HAPLN2: variants seen among roughly 807,000 people sequenced by gnomAD.
The protein encoded by HAPLN2 is hyaluronan and proteoglycan link protein 2, also known as brain link protein-1.
Under a neutral mutation model 29.3 loss-of-function variants are expected in HAPLN2, and 27 were observed. The ratio of observed to expected loss-of-function variants is 0.92; its 90% confidence interval spans 0.68 to 1.27. The LOEUF (loss-of-function observed/expected upper bound fraction) is 1.27, where lower values mean the gene tolerates loss of function less well. HAPLN2 is among the 50% of genes most tolerant of loss of function. The pLI is 0.00. For synonymous variants in HAPLN2, 208 were observed against 211.7 expected, an observed-to-expected ratio of 0.98 and a Z score of 0.15; for missense variants, 454 against 484.3, an observed-to-expected ratio of 0.94 and a Z score of 0.59.
chr1:156,623,819 GC>G lies in HAPLN2; in HGVS notation c.103del (p.His35ThrfsTer48). ...CCCCTCTGCCCAGCATCCCACCCGG[GC>G]CCCCACTACCTCCTGCCCCCCATCC... ...KAQGDPASHP[G>X]PHYLLPPIHE... On this transcript the variant is annotated frameshift_variant, in exon 4 of 7. Coordinates refer to ENST00000255039, the MANE Select transcript of HAPLN2 (RefSeq NM_021817.3). LOFTEE classifies it high-confidence loss of function. The G allele has an allele frequency of 6.6e-7, 1 of 1,520,350 alleles. No individual in the cohort carries two copies. The allele number at this position is 1,520,350 out of a possible 1,614,324, so 94.2% of individuals were successfully genotyped here.
At chr1:156,618,216 G>T (rs1350179827), upstream of HAPLN2, among the ~76,000 whole-genome samples, 1 of 149,958 alleles carries the variant, frequency 6.7e-6, no homozygotes, top group Admixed American at 6.7e-5. Context: ...GAGGAGGATG[G>T]CTTGAACCCG....
chr1:156,625,498 C>A lies in HAPLN2; in HGVS notation c.*114C>A, dbSNP rs1678422893. The A allele has an allele frequency of 9.1e-7, 1 of 1,097,734 alleles. No individual in the cohort carries two copies. The highest frequency in any genetic ancestry group is 1.2e-6 in the Non-Finnish European group (1 of 811,854). 68.0% of individuals were successfully genotyped at this position (1,097,734 alleles called of 1,614,324 possible). A position where few individuals can be genotyped will look rare whatever the true frequency, so the allele number is the denominator to read the frequency against. ...TCCCTCCAGACCCGGAGCGGCCTCT[C>A]CAGACCTGCCTTCCCAGCCGGGGGC... On this transcript the variant is annotated 3_prime_UTR_variant, in exon 7 of 7. Coordinates refer to ENST00000255039, the MANE Select transcript of HAPLN2 (RefSeq NM_021817.3). This position sits in a 1 kb window ranked among gnomAD's most constrained non-coding sequence, Gnocchi z 5.7.
upstream of HAPLN2, chr1:156,615,059 G>A (rs1394690141): frequency 6.6e-6 from 1 of 152,164 alleles, no homozygotes; most frequent in Non-Finnish European, 1.5e-5. Flanking sequence ...TTGCTTCTGT[G>A]TCTCTGCAGA....
chr1:156,605,136 C>T, the HAPLN2 span, among the ~76,000 whole-genome samples: 253 of 151,476 alleles, frequency 1.7e-3, no homozygotes, highest in South Asian at 0.02. Context: ...TGTGGTAGCA[C>T]GAATCTGTAA....
chr1:156,609,853 C>T, the HAPLN2 span, among the ~76,000 whole-genome samples: 1 of 152,090 alleles, frequency 6.6e-6, no homozygotes, highest in Non-Finnish European at 1.5e-5. Flanking sequence ...TACACCAAAC[C>T]CCCACAACAT....
intron 4 of HAPLN2, 35 bp downstream of exon 4, chr1:156,624,195 A>G: frequency 6.3e-7 from 1 of 1,584,546 alleles, no homozygotes; most frequent in African/African-American, 1.3e-5. Context: ...ATTCCTGTGT[A>G]GCAGCGGGTC....
At chr1:156,610,321 C>T in the HAPLN2 span, among the ~76,000 whole-genome samples, 1 of 152,044 alleles carries the variant, frequency 6.6e-6, no homozygotes, top group Non-Finnish European at 1.5e-5. Flanking sequence ...GACAAATGCT[C>T]ACATCATATT....
chr1:156,621,603 G>T (rs1436864239), intron 2 of HAPLN2, among the ~76,000 whole-genome samples: 1 of 151,878 alleles, frequency 6.6e-6, no homozygotes, highest in African/African-American at 2.4e-5. Flanking sequence ...CCGGAGTGGT[G>T]GTGGGTGCCT....
At chr1:156,607,017 A>G in the HAPLN2 span, among the ~76,000 whole-genome samples, 1 of 152,050 alleles carries the variant, frequency 6.6e-6, no homozygotes, top group Non-Finnish European at 1.5e-5. Flanking sequence ...TGCTGTATTG[A>G]GAGTTGAGCC....
upstream of HAPLN2, among the ~76,000 whole-genome samples, chr1:156,616,188 C>G (rs1288923025): frequency 6.6e-6 from 1 of 152,118 alleles, no homozygotes; most frequent in Admixed American, 6.5e-5. Context: ...TCTGGAATCA[C>G]TCCACCACAC....
At chr1:156,609,180 A>G in the HAPLN2 span, among the ~76,000 whole-genome samples, 1 of 152,180 alleles carries the variant, frequency 6.6e-6, no homozygotes, top group African/African-American at 2.4e-5. Context: ...ACACCTGGTG[A>G]TCCCCTAAAC....
At chr1:156,606,239 G>A in the HAPLN2 span, among the ~76,000 whole-genome samples, 1 of 151,910 alleles carries the variant, frequency 6.6e-6, no homozygotes, top group Admixed American at 6.6e-5. Context: ...ACTCCAGCCT[G>A]GGCAAAACAG....
chr1:156,622,897 G>A (rs1678282801), intron 2 of HAPLN2, among the ~76,000 whole-genome samples: 1 of 151,458 alleles, frequency 6.6e-6, no homozygotes, highest in African/African-American at 2.4e-5. Context: ...AGCTGGGTGT[G>A]GTGGCACATG....
chr1:156,622,176 G>A (rs1452707772), intron 2 of HAPLN2, among the ~76,000 whole-genome samples: 2 of 152,018 alleles, frequency 1.3e-5, no homozygotes, highest in Admixed American at 6.6e-5. Flanking sequence ...CTGGCTGGGT[G>A]TGGTGGCTCA....
the HAPLN2 span, among the ~76,000 whole-genome samples, chr1:156,605,911 AGGCCAAGGC>A: frequency 0.22 from 33,745 of 152,158 alleles, 4,237 homozygotes; most frequent in South Asian, 0.5. Flanking sequence ...GCATTTTGGG[AGGCCAAGGC>A]AGGAGGATCA....
the HAPLN2 span, chr1:156,601,532 A>C: frequency 7.7e-6 from 11 of 1,435,998 alleles, no homozygotes; most frequent in Admixed American, 1.2e-4. Context: ...CGCGGGAACC[A>C]AAATCACGGT....
chr1:156,605,790 C>G, the HAPLN2 span, among the ~76,000 whole-genome samples: 1 of 152,088 alleles, frequency 6.6e-6, no homozygotes, highest in Non-Finnish European at 1.5e-5. Context: ...AACCCATACG[C>G]TTATGGGCAA....
At chr1:156,610,363 C>A in the HAPLN2 span, among the ~76,000 whole-genome samples, 1 of 152,026 alleles carries the variant, frequency 6.6e-6, no homozygotes, top group Non-Finnish European at 1.5e-5. Context: ...GGAGGCCAGG[C>A]GCGGTGGCTT....
At chr1:156,602,046 TC>T in the HAPLN2 span, among the ~76,000 whole-genome samples, 1 of 151,954 alleles carries the variant, frequency 6.6e-6, no homozygotes, top group African/African-American at 2.4e-5. Flanking sequence ...CAAGTGATCC[TC>T]CCATCTCAGC....
Sources: gnomAD v4.1 joint callset for allele counts (sites outside exome capture counted in the v4.1 genomes callset) on GRCh38, gnomAD v4.1.1 for gene constraint, Gnocchi (gnomAD v3.1) non-coding constraint, MANE v1.5 for transcripts, NCBI Gene and HGNC (gene_info 2026-07-23, HGNC 2026-07-21) for gene names.